PDE4B: variants seen among roughly 807,000 people sequenced by gnomAD.
PDE4B encodes 3',5'-cyclic-AMP phosphodiesterase 4B.
Under a neutral mutation model 82.2 loss-of-function variants are expected in PDE4B, and 20 were observed. The ratio of observed to expected loss-of-function variants is 0.24; its 90% CI spans 0.17 to 0.35. The LOEUF (loss-of-function observed/expected upper bound fraction) is 0.35. Ranked by LOEUF, PDE4B falls within the 10% of genes least tolerant of loss-of-function variation. The pLI, the probability that PDE4B is intolerant of heterozygous loss-of-function variation, is 1.00. For missense variants in PDE4B, 655 were observed against 907.2 expected, an observed-to-expected ratio of 0.72 and a Z score of 3.57; for synonymous variants, 320 against 318.9, an observed-to-expected ratio of 1.00 and a Z score of -0.04.
intron 3 of PDE4B, among the ~76,000 whole-genome samples, chr1:66,241,973 GC>G (rs1652927386): frequency 6.6e-6 from 1 of 152,150 alleles, no homozygotes; most frequent in African/African-American, 2.4e-5. Flanking sequence ...TTTGTTATGT[GC>G]CTTTTGGTGT....
At chr1:66,021,147 A>G (rs1431009307) in intron 3 of PDE4B, among the ~76,000 whole-genome samples, 1 of 152,198 alleles carries the variant, frequency 6.6e-6, no homozygotes, top group Non-Finnish European at 1.5e-5. Flanking sequence ...TCCTTTGCCC[A>G]CTTTTTGATG....
intron 1 of PDE4B, among the ~76,000 whole-genome samples, chr1:65,893,687 G>GTTTATA (rs549871681): frequency 0.26 from 40,181 of 151,658 alleles, 6,035 homozygotes; most frequent in East Asian, 0.48. Context: ...TATGAAACAT[G>GTTTATA]CACACATGTT....
chr1:66,305,890 G>C (rs1042935198), intron 7 of PDE4B, among the ~76,000 whole-genome samples: 1 of 152,102 alleles, frequency 6.6e-6, no homozygotes, highest in Non-Finnish European at 1.5e-5. Context: ...CCATTCTCAA[G>C]TATAGTAGGA....
intron 3 of PDE4B, among the ~76,000 whole-genome samples, chr1:66,082,814 A>T (rs17128380): frequency 2.0e-5 from 3 of 152,032 alleles, no homozygotes; most frequent in African/African-American, 7.2e-5. Flanking sequence ...TATGAGTATC[A>T]TGTAGGTTTG....
intron 1 of PDE4B, among the ~76,000 whole-genome samples, 187 bp downstream of exon 1, chr1:65,793,435 C>A: frequency 6.6e-6 from 1 of 152,230 alleles, no homozygotes; most frequent in East Asian, 1.9e-4. Context: ...ATCCGCCAAC[C>A]GGCCCCTAGC....
chr1:65,961,059 GAT>G (rs1649519797), intron 3 of PDE4B, among the ~76,000 whole-genome samples: 1 of 152,152 alleles, frequency 6.6e-6, no homozygotes, highest in African/African-American at 2.4e-5. Flanking sequence ...AAACAAAACA[GAT>G]GAAACCTTTG....
intron 1 of PDE4B, among the ~76,000 whole-genome samples, chr1:65,818,685 C>CACACACATATATATATATATAT (rs141035147): frequency 2.6e-4 from 38 of 143,776 alleles, no homozygotes; most frequent in African/African-American, 9.2e-4. Context: ...CACACACACA[C>CACACACATATATATATATATAT]ATATATATAT....
At chr1:66,008,737 C>T (rs1020277833) in intron 3 of PDE4B, among the ~76,000 whole-genome samples, 5 of 151,990 alleles carry the variant, frequency 3.3e-5, no homozygotes, top group Non-Finnish European at 7.4e-5. Context: ...AGTGTTCTTC[C>T]TGAGATTATG....
intron 3 of PDE4B, among the ~76,000 whole-genome samples, chr1:66,123,979 T>C (rs1645767608): frequency 6.6e-6 from 1 of 152,174 alleles, no homozygotes; most frequent in Non-Finnish European, 1.5e-5. Context: ...ATATACAAAG[T>C]GATTAATGAG....
intron 3 of PDE4B, among the ~76,000 whole-genome samples, chr1:65,978,617 AT>A (rs1650532929): frequency 2.0e-5 from 3 of 152,094 alleles, no homozygotes; most frequent in African/African-American, 7.2e-5. Context: ...ATATTACTGT[AT>A]TTTTGTGCTT....
At chr1:66,168,803 C>T (rs1432312820) in intron 3 of PDE4B, among the ~76,000 whole-genome samples, 3 of 152,276 alleles carry the variant, frequency 2.0e-5, no homozygotes, top group African/African-American at 7.2e-5. Flanking sequence ...AACTGTTTTT[C>T]ACAATTAAGT....
At chr1:65,982,382 G>GCTT (rs760344474) in intron 3 of PDE4B, among the ~76,000 whole-genome samples, 1 of 152,160 alleles carries the variant, frequency 6.6e-6, no homozygotes, top group Non-Finnish European at 1.5e-5. Context: ...AGACTACATT[G>GCTT]AAGAAGGAGT....
intron 3 of PDE4B, among the ~76,000 whole-genome samples, chr1:66,126,662 A>G (rs768512670): frequency 5.9e-5 from 9 of 152,262 alleles, no homozygotes; most frequent in African/African-American, 1.4e-4. Context: ...AGTTGCCATT[A>G]GAACCCAGGA....
chr1:65,881,930 A>G (rs1646713206), intron 1 of PDE4B, among the ~76,000 whole-genome samples: 1 of 152,176 alleles, frequency 6.6e-6, no homozygotes, highest in Admixed American at 6.6e-5. Context: ...TCATTATGCT[A>G]TTTGATCTAA....
intron 1 of PDE4B, among the ~76,000 whole-genome samples, chr1:65,857,642 C>A (rs1459695115): frequency 6.6e-6 from 1 of 152,166 alleles, no homozygotes; most frequent in Non-Finnish European, 1.5e-5. Context: ...GACAACATAG[C>A]AAGACCCTGC....
intron 3 of PDE4B, among the ~76,000 whole-genome samples, chr1:66,152,944 C>G (rs1646433078): frequency 6.6e-6 from 1 of 152,074 alleles, no homozygotes; most frequent in African/African-American, 2.4e-5. Flanking sequence ...GAGTAATCTC[C>G]TTAACATAAA....
intron 3 of PDE4B, among the ~76,000 whole-genome samples, chr1:66,052,850 G>A (rs1655112912): frequency 6.6e-6 from 1 of 152,176 alleles, no homozygotes. Flanking sequence ...TTTCCTCTGA[G>A]AATCCAGAAG....
chr1:66,277,429 TCTGTTGTCCAGGCTG>T (rs1655963385), intron 7 of PDE4B, among the ~76,000 whole-genome samples: 1 of 152,218 alleles, frequency 6.6e-6, no homozygotes, highest in Non-Finnish European at 1.5e-5. Context: ...AGAGTCTTGC[TCTGTTGTCCAGGCTG>T]GAGTGCAGTG....
At position 66,161,430 on chromosome 1, in the gene PDE4B, T is replaced by TAA. The variant is rs1646610994; in HGVS notation, c.282-86030_282-86029insAA. On this transcript the variant is annotated intron_variant, in intron 3 of 16. Coordinates refer to ENST00000341517, the MANE Select transcript of PDE4B (RefSeq NM_002600.4). ...AGAATAATCTTACCCTAAATGCATT[T>TAA]CTGGTTTAATACTCAATTCTTTGTA... Among the ~76,000 whole-genome samples the TAA allele has an allele frequency of 2.0e-5, 3 of 152,202 alleles. No homozygotes were observed. In the South Asian group the frequency reaches 6.2e-4, roughly 31 times the overall value.
Sources: allele counts gnomAD v4.1 joint callset (sites outside exome capture counted in the v4.1 genomes callset), GRCh38; gene constraint gnomAD v4.1.1; transcripts MANE v1.5; gene names NCBI Gene and HGNC (gene_info 2026-07-23, HGNC 2026-07-21).